ZNF385D: variants seen among roughly 807,000 people sequenced by gnomAD.
ZNF385D encodes the protein zinc finger protein 385D.
In ZNF385D, 15 loss-of-function variants were observed where a neutral mutation model predicts 35.8. The ratio of observed to expected loss-of-function variants is 0.42; its 90% CI spans 0.28 to 0.64. The LOEUF is 0.64. ZNF385D is among the 30% of genes least tolerant of loss of function. The probability of loss-of-function intolerance (pLI) is 0.23; values close to 1 mark genes in which losing one functional copy is unlikely to be tolerated. For synonymous variants in ZNF385D, 212 were observed against 186.8 expected (o/e 1.13, Z -1.10); for missense variants, 474 against 494.6 (o/e 0.96, Z 0.39).
intron 3 of ZNF385D, among the ~76,000 whole-genome samples, chr3:21,951,566 G>A (rs12330729): frequency 0.011 from 1,739 of 151,470 alleles, 100 homozygotes; most frequent in African/African-American, 0.04. Flanking sequence ...TGATTGCCCC[G>A]GCCAGAACTT....
intron 2 of ZNF385D, among the ~76,000 whole-genome samples, chr3:21,586,058 C>T (rs377499213): frequency 2.8e-5 from 4 of 142,438 alleles, no homozygotes; most frequent in Non-Finnish European, 4.6e-5. Context: ...CACACACACA[C>T]ATTTGGGCAT....
intron 2 of ZNF385D, among the ~76,000 whole-genome samples, chr3:22,311,356 A>C (rs142344706): frequency 1.3e-5 from 2 of 152,124 alleles, no homozygotes; most frequent in East Asian, 3.9e-4. Flanking sequence ...GAATGCTTAC[A>C]AAAACTTCTG....
intron 1 of ZNF385D, among the ~76,000 whole-genome samples, chr3:21,719,620 C>A (rs1217332844): frequency 2.0e-5 from 3 of 152,182 alleles, no homozygotes; most frequent in Non-Finnish European, 4.4e-5. Flanking sequence ...ATAGCTACTG[C>A]ACTTGTGCAC....
intron 3 of ZNF385D, among the ~76,000 whole-genome samples, chr3:21,837,717 TAA>T (rs1258590683): frequency 2.6e-5 from 4 of 151,570 alleles, no homozygotes; most frequent in African/African-American, 9.7e-5. Flanking sequence ...ACTAAAAATA[TAA>T]AAATTAGCTG....
intron 3 of ZNF385D, among the ~76,000 whole-genome samples, chr3:21,895,135 T>G (rs1411771661): frequency 6.6e-6 from 1 of 151,922 alleles, no homozygotes; most frequent in African/African-American, 2.4e-5. Flanking sequence ...AAAACCCAGA[T>G]TAAAAATAGG....
At chr3:21,811,982 C>A (rs958355263) in intron 3 of ZNF385D, among the ~76,000 whole-genome samples, 1 of 152,048 alleles carries the variant, frequency 6.6e-6, no homozygotes, top group African/African-American at 2.4e-5. Flanking sequence ...GTATATAGAA[C>A]CACCTACAAA....
chr3:21,797,390 G>T (rs1188080422), intron 3 of ZNF385D, among the ~76,000 whole-genome samples: 4 of 152,102 alleles, frequency 2.6e-5, no homozygotes, highest in Non-Finnish European at 5.9e-5. Flanking sequence ...ATTGCTAGTG[G>T]AAACAAAATC....
At chr3:22,318,902 A>T (rs1223304854) in intron 2 of ZNF385D, among the ~76,000 whole-genome samples, 1 of 152,210 alleles carries the variant, frequency 6.6e-6, no homozygotes, top group Admixed American at 6.5e-5. Context: ...CTTTAGTCAT[A>T]TAAGAAATAT....
intron 3 of ZNF385D, among the ~76,000 whole-genome samples, chr3:22,167,451 C>T (rs1000660822): frequency 1.3e-5 from 2 of 152,310 alleles, no homozygotes; most frequent in East Asian, 3.9e-4. Context: ...TGTTCCATTG[C>T]TCAATAAATT....
chr3:21,914,381 CTTT>C (rs5847151), intron 3 of ZNF385D, among the ~76,000 whole-genome samples: 57,611 of 138,508 alleles, frequency 0.42, 11,873 homozygotes, highest in Non-Finnish European at 0.5. Context: ...TTTTGTTTGA[CTTT>C]TTTTTTTTTT....
intron 3 of ZNF385D, among the ~76,000 whole-genome samples, chr3:21,982,598 T>G (rs981782566): frequency 1.8e-4 from 28 of 152,226 alleles, no homozygotes; most frequent in Non-Finnish European, 7.3e-5. Context: ...CTGTTTGCTC[T>G]GGTTAGGACA....
intron 2 of ZNF385D, among the ~76,000 whole-genome samples, chr3:22,224,313 A>T (rs1259031101): frequency 6.6e-6 from 1 of 152,218 alleles, no homozygotes; most frequent in Non-Finnish European, 1.5e-5. Context: ...TGTAATCAAC[A>T]TGCTACTTAC....
rs1005755341 is a variant in ZNF385D, at chr3:21,599,909, G to C, written c.166-35225C>G. Reference sequence around the variant, plus strand: ...TGGGCTGCATTCCCAGATGGTTAAGGCATTCTAAATCACAGGATGAGACAG... The same window carrying C: ...TGGGCTGCATTCCCAGATGGTTAAGCCATTCTAAATCACAGGATGAGACAG... On this transcript the variant is annotated intron_variant, in intron 2 of 7. Transcript: ENST00000281523. Among the ~76,000 whole-genome samples the C allele has an allele frequency of 2.0e-5, 3 of 152,162 alleles. No individual in the cohort carries two copies. The East Asian group carries it at 5.8e-4, about 29-fold the overall frequency.
chr3:21,814,424 G>T (rs1424590252), intron 3 of ZNF385D, among the ~76,000 whole-genome samples: 1 of 152,172 alleles, frequency 6.6e-6, no homozygotes, highest in Non-Finnish European at 1.5e-5. Flanking sequence ...TCAGTGTGCT[G>T]TATTCAGGAG....
At chr3:22,130,535 G>T (rs911915474) in intron 3 of ZNF385D, among the ~76,000 whole-genome samples, 2 of 152,068 alleles carry the variant, frequency 1.3e-5, no homozygotes, top group Non-Finnish European at 2.9e-5. Context: ...CTCCAAGCTG[G>T]CCAAATCTGC....
At chr3:22,350,110 A>T (rs1208751926) in intron 2 of ZNF385D, among the ~76,000 whole-genome samples, 1 of 152,142 alleles carries the variant, frequency 6.6e-6, no homozygotes, top group African/African-American at 2.4e-5. Flanking sequence ...CAATGCTCAA[A>T]GCCTGGATGT....
At chr3:22,243,689 G>T (rs1699614836) in intron 2 of ZNF385D, among the ~76,000 whole-genome samples, 1 of 150,998 alleles carries the variant, frequency 6.6e-6, no homozygotes, top group African/African-American at 2.5e-5. Flanking sequence ...AAGCTCTGTG[G>T]CTACCTGTAT....
intron 1 of ZNF385D, 150 bp downstream of exon 1, chr3:21,750,745 G>T: frequency 5.8e-6 from 5 of 859,662 alleles, no homozygotes; most frequent in African/African-American, 1.7e-5. Flanking sequence ...AGGAAGCTTT[G>T]AAGGCTGCAC....
chr3:22,310,471 C>T (rs371388721), intron 2 of ZNF385D, among the ~76,000 whole-genome samples: 3 of 151,882 alleles, frequency 2.0e-5, no homozygotes, highest in Non-Finnish European at 4.4e-5. Flanking sequence ...AGTTTTAGAA[C>T]ATTTATGCTA....
Sources: allele counts gnomAD v4.1 joint callset (sites outside exome capture counted in the v4.1 genomes callset), GRCh38; gene constraint gnomAD v4.1.1; transcripts MANE v1.5; gene names NCBI Gene and HGNC (gene_info 2026-07-23, HGNC 2026-07-21).